SLC8A1: variants seen among roughly 807,000 people sequenced by gnomAD.
The protein encoded by SLC8A1 is solute carrier family 8 member A1.
In SLC8A1, 18 loss-of-function variants were observed where a neutral mutation model predicts 68.3. That is an observed-to-expected ratio of 0.26 (90% CI 0.18 to 0.39). The LOEUF is 0.39. Among genes scored for constraint, SLC8A1 ranks in the 10% least tolerant of loss-of-function variants. The probability of loss-of-function intolerance (pLI) is 1.00; values close to 1 mark genes in which losing one functional copy is unlikely to be tolerated. For missense variants in SLC8A1, 985 were observed against 1,156.7 expected, an observed-to-expected ratio of 0.85 and a Z score of 2.15; for synonymous variants, 475 against 415.5, an observed-to-expected ratio of 1.14 and a Z score of -1.74.
exon 8 of SLC8A1, chr2:40,102,174 A>AATAGAC (rs2033933243): frequency 6.6e-6 from 1 of 152,182 alleles, no homozygotes; most frequent in Non-Finnish European, 1.5e-5. Flanking sequence ...ATGATTCAAA[A>AATAGAC]TGTGAGTCCC....
At chr2:40,457,359 A>G (rs761891021) in intron 1 of SLC8A1, among the ~76,000 whole-genome samples, 14 of 152,034 alleles carry the variant, frequency 9.2e-5, no homozygotes, top group Non-Finnish European at 1.8e-4. Flanking sequence ...TTTTTCATAA[A>G]TCTCTTTTCC....
chr2:40,431,695 C>T (rs957081356), intron 1 of SLC8A1, among the ~76,000 whole-genome samples: 5 of 152,178 alleles, frequency 3.3e-5, no homozygotes, highest in Middle Eastern at 3.4e-3. Flanking sequence ...TCAGAACATA[C>T]CCTTATGTCC....
At chr2:40,108,270 G>C (rs180676138) in exon 8 of SLC8A1, 24 of 148,640 alleles carry the variant, frequency 1.6e-4, no homozygotes, top group African/African-American at 5.8e-4. Context: ...TCAATAATTT[G>C]GAAACGTGTG....
chr2:40,170,412 T>C (rs2047266502), intron 4 of SLC8A1, 63 bp from the exon 7 acceptor site: 1 of 1,415,720 alleles, frequency 7.1e-7, no homozygotes, highest in African/African-American at 1.4e-5. Context: ...ATCAGAGCTT[T>C]GTGGAATTAG....
chr2:40,282,334 G>C (rs77228852), intron 2 of SLC8A1, among the ~76,000 whole-genome samples: 14 of 152,112 alleles, frequency 9.2e-5, no homozygotes, highest in African/African-American at 3.4e-4. Context: ...TAAAAAGAAT[G>C]GTTGTTACAG....
At chr2:40,150,863 C>G (rs1174120405) in intron 6 of SLC8A1, among the ~76,000 whole-genome samples, 1 of 152,152 alleles carries the variant, frequency 6.6e-6, no homozygotes, top group African/African-American at 2.4e-5. Flanking sequence ...GAAGTGGAAA[C>G]TGTAGCTACC....
intron 2 of SLC8A1, among the ~76,000 whole-genome samples, chr2:40,365,359 T>C (rs1675822907): frequency 6.6e-6 from 1 of 152,130 alleles, no homozygotes; most frequent in Non-Finnish European, 1.5e-5. Context: ...TCTTTACACA[T>C]CCAAACATCT....
intron 2 of SLC8A1, among the ~76,000 whole-genome samples, chr2:40,375,122 G>A (rs867008825): frequency 3.9e-5 from 6 of 152,018 alleles, no homozygotes; most frequent in South Asian, 4.1e-4. Context: ...TGCTGTGTTT[G>A]CAGCTGATGG....
chr2:40,347,435 C>T (rs189018656), intron 2 of SLC8A1, among the ~76,000 whole-genome samples: 3 of 152,210 alleles, frequency 2.0e-5, no homozygotes, highest in African/African-American at 4.8e-5. Flanking sequence ...AGAAGAGAAT[C>T]CAGGCTTCAG....
At chr2:40,418,035 AT>A in intron 2 of SLC8A1, among the ~76,000 whole-genome samples, 1 of 152,312 alleles carries the variant, frequency 6.6e-6, no homozygotes, top group Middle Eastern at 3.4e-3. Flanking sequence ...AACCAGGTCG[AT>A]TTAAAAGAAT....
chr2:40,294,557 G>C (rs1305127530), intron 2 of SLC8A1, among the ~76,000 whole-genome samples: 1 of 152,110 alleles, frequency 6.6e-6, no homozygotes, highest in Non-Finnish European at 1.5e-5. Context: ...TATGGGGAGA[G>C]AGAGGGAGAG....
At chr2:40,317,622 T>C (rs2074641296) in intron 2 of SLC8A1, among the ~76,000 whole-genome samples, 1 of 152,094 alleles carries the variant, frequency 6.6e-6, no homozygotes, top group Non-Finnish European at 1.5e-5. Flanking sequence ...TTATTTAAAA[T>C]GTTATACTGC....
At chr2:40,458,904 T>A (rs1425231858) in intron 1 of SLC8A1, among the ~76,000 whole-genome samples, 1 of 152,218 alleles carries the variant, frequency 6.6e-6, no homozygotes, top group African/African-American at 2.4e-5. Flanking sequence ...TTCCTGATTA[T>A]GTCAATCGTT....
intron 2 of SLC8A1, among the ~76,000 whole-genome samples, chr2:40,198,316 C>G (rs768259800): frequency 4.6e-5 from 7 of 151,856 alleles, no homozygotes; most frequent in Non-Finnish European, 1.0e-4. Context: ...GCCTAATTGA[C>G]TGGACATTCT....
chr2:40,346,851 C>T (rs1225910893), intron 2 of SLC8A1, among the ~76,000 whole-genome samples: 1 of 152,138 alleles, frequency 6.6e-6, no homozygotes, highest in Non-Finnish European at 1.5e-5. Flanking sequence ...ATAATCTGAG[C>T]ATATTTTCAG....
chr2:40,361,988 G>A (rs1674773106), intron 2 of SLC8A1, among the ~76,000 whole-genome samples: 1 of 138,008 alleles, frequency 7.2e-6, no homozygotes, highest in Non-Finnish European at 1.5e-5. Flanking sequence ...CTCTGCCTCC[G>A]GGTTCAAGTG....
chr2:40,487,200 T>C lies in SLC8A1; in HGVS notation c.-25+25149A>G, dbSNP rs1705024912. On this transcript the variant is annotated intron_variant, in intron 1 of 7. Coordinates refer to the SLC8A1 transcript ENST00000402441. Reference sequence around the variant, plus strand: ...ACCAAGTCAGCAGTGGTGAAAATCATACTGTTAGGCCTTCCTGAGGAGGTA... The same window carrying C: ...ACCAAGTCAGCAGTGGTGAAAATCACACTGTTAGGCCTTCCTGAGGAGGTA... 2.0e-5 allele frequency among the ~76,000 whole-genome samples: 3 copies of C among 152,252 alleles called. No homozygotes were observed. In the South Asian group the frequency reaches 6.2e-4, roughly 32 times the overall value.
rs545433685 is a variant in SLC8A1, at chr2:40,347,237, C to T, written c.1808+81236G>A. ...GCAGCCCCAAACCACTGGCCTCAAA[C>T]GATCGTTCCAACCTTGGCCTCCCAA... On this transcript the variant is annotated intron_variant, in intron 2 of 7. Coordinates refer to ENST00000406785, the Ensembl canonical transcript of SLC8A1. 6.6e-5 allele frequency among the ~76,000 whole-genome samples: 10 copies of T among 152,304 alleles called. No homozygotes were observed. In the East Asian group the frequency reaches 1.2e-3, roughly 18 times the overall value.
intron 2 of SLC8A1, among the ~76,000 whole-genome samples, chr2:40,376,100 A>T (rs559874969): frequency 6.6e-6 from 1 of 152,244 alleles, no homozygotes; most frequent in African/African-American, 2.4e-5. Flanking sequence ...CTCAAACCTA[A>T]AATTTTCTTC....
Sources: allele counts gnomAD v4.1 joint callset (sites outside exome capture counted in the v4.1 genomes callset), GRCh38; gene constraint gnomAD v4.1.1; transcripts MANE v1.5; gene names NCBI Gene and HGNC (gene_info 2026-07-23, HGNC 2026-07-21).